WDR19: variants seen among roughly 807,000 people sequenced by gnomAD.
WDR19 encodes the protein WD repeat domain 19, also known as WD repeat-containing protein 19.
In WDR19, 121 loss-of-function variants were observed where a neutral mutation model predicts 180.0. The observed-to-expected ratio is 0.67, with a 90% confidence interval of 0.58 to 0.78. The LOEUF (loss-of-function observed/expected upper bound fraction) is 0.78, where lower values mean the gene tolerates loss of function less well. Ranked by LOEUF, WDR19 falls within the 30% of genes least tolerant of loss-of-function variation. WDR19 has a pLI of 0.00. For synonymous variants in WDR19, 497 were observed against 540.7 expected, an observed-to-expected ratio of 0.92 and a Z score of 1.12; for missense variants, 1,450 against 1,640.7, an observed-to-expected ratio of 0.88 and a Z score of 2.01.
At chr4:39,235,867 C>A (rs560372801) in intron 20 of WDR19, among the ~76,000 whole-genome samples, 45 of 151,634 alleles carry the variant, frequency 3.0e-4, no homozygotes, top group African/African-American at 9.4e-4. Context: ...AAGCAGCCAA[C>A]AAAAATATGA....
At chr4:39,198,544 G>C (rs930231682) in intron 5 of WDR19, among the ~76,000 whole-genome samples, 2 of 150,564 alleles carry the variant, frequency 1.3e-5, no homozygotes, top group Non-Finnish European at 3.0e-5. Context: ...CTGGGCGACA[G>C]AGCGAGACTC....
chr4:39,253,134 A>G lies in WDR19; in HGVS notation c.2730-12A>G, dbSNP rs1158058315. 1.3e-6 allele frequency: 2 copies of G among 1,566,560 alleles called. No homozygotes were observed. The highest frequency in any genetic ancestry group is 8.6e-7 in the Non-Finnish European group (1 of 1,162,428). The stretch of plus-strand genomic sequence containing the variant: ...GTGTTAAAAAAAGTTTATCTGAGCT[A>G]TTTTTTTACAGATACAAAGAAGCTG... On this transcript the variant is annotated splice_polypyrimidine_tract_variant and intron_variant, in intron 24 of 36. Transcript: ENST00000399820.
In WDR19 at chr4:39,266,260, G is replaced by A. The variant is rs536014643; in HGVS notation, c.3261+120G>A. 28 of 786,530 alleles carry A rather than the reference G, an allele frequency of 3.6e-5. No homozygotes were observed. The African/African-American group carries it at 4.6e-4, about 13-fold the overall frequency. 48.7% of individuals were successfully genotyped at this position (786,530 alleles called of 1,614,324 possible). On this transcript the variant is annotated intron_variant, in intron 29 of 36. Transcript: ENST00000399820. The stretch of plus-strand genomic sequence containing the variant: ...GAAAAATTTTCTCTCTGCCAGTAGT[G>A]TAGATCATCTAGACCAGGAGCGTCC...
intron 30 of WDR19, among the ~76,000 whole-genome samples, chr4:39,268,967 A>G (rs1316745315): frequency 6.6e-6 from 1 of 152,182 alleles, no homozygotes; most frequent in African/African-American, 2.4e-5. Flanking sequence ...AGAGAAGGCA[A>G]TGAAAGCTTT....
rs564992065 is a variant in WDR19, at chr4:39,278,572, T to C, written c.3951T>C (p.Cys1317=). 7 of 1,613,738 alleles carry C rather than the reference T, an allele frequency of 4.3e-6. No individual in the cohort carries two copies. The East Asian group carries it at 6.7e-5, about 15-fold the overall frequency. ...MLNTESTCPM[C]SERLNAAQLK... is the part of the protein sequence containing the mutation. Reference sequence around the variant, plus strand: ...ACACTGAAAGCACATGTCCTATGTGTTCAGAAAGATTAAACGCTGCTCAGC... The same window carrying C: ...ACACTGAAAGCACATGTCCTATGTGCTCAGAAAGATTAAACGCTGCTCAGC... Residue 1317 remains cysteine, a synonymous_variant, in exon 36 of 37, where the codon TGT becomes TGC. Coordinates refer to ENST00000399820, the MANE Select transcript of WDR19 (RefSeq NM_025132.4).
chr4:39,185,871 C>T, intron 2 of WDR19, 54 bp downstream of exon 2: 1 of 1,370,074 alleles, frequency 7.3e-7, no homozygotes, highest in Non-Finnish European at 9.9e-7. Flanking sequence ...GTAATCACAC[C>T]ATCTACTCAG....
chr4:39,231,364 C>T (rs1730845301), intron 17 of WDR19, among the ~76,000 whole-genome samples: 1 of 150,934 alleles, frequency 6.6e-6, no homozygotes, highest in African/African-American at 2.4e-5. Context: ...GACTTTGTTC[C>T]ACTCAAGCTG....
Position 39,228,326 on chromosome 4 carries a change from C to T in WDR19, c.1746C>T (p.Tyr582=), listed in dbSNP as rs539697450. ...VFIAYDDDKV[Y]TYVFHKDTIQ... ...TTGCTTATGATGATGATAAGGTGTA[C>T]ACTTATGTCTTTCACAAGGACACTA... Residue 582 remains tyrosine, a synonymous_variant, in exon 16 of 37, where the codon TAC becomes TAT. Coordinates refer to ENST00000399820, the MANE Select transcript of WDR19 (RefSeq NM_025132.4). The T allele has an allele frequency of 2.4e-5, 38 of 1,612,052 alleles. No homozygotes were observed. The South Asian group carries it at 4.0e-4, about 17-fold the overall frequency.
At chr4:39,211,719 A>G (rs555722225) in intron 9 of WDR19, among the ~76,000 whole-genome samples, 6 of 152,312 alleles carry the variant, frequency 3.9e-5, no homozygotes, top group African/African-American at 1.2e-4. Flanking sequence ...AAACCTGTAC[A>G]GTGTCTTTGC....
chr4:39,257,953 C>G (rs1733922007), intron 28 of WDR19, among the ~76,000 whole-genome samples: 1 of 151,818 alleles, frequency 6.6e-6, no homozygotes, highest in Non-Finnish European at 1.5e-5. Flanking sequence ...ATTTCCAGCT[C>G]CCAAAAGTCT....
chr4:39,250,781 C>G (rs1409902376), intron 24 of WDR19, among the ~76,000 whole-genome samples: 1 of 152,054 alleles, frequency 6.6e-6, no homozygotes. Context: ...AATAAAATAC[C>G]TAGGAATGCA....
intron 33 of WDR19, among the ~76,000 whole-genome samples, chr4:39,276,326 T>C (rs1272033947): frequency 1.3e-5 from 2 of 151,724 alleles, no homozygotes; most frequent in Non-Finnish European, 2.9e-5. Context: ...GTATGGAGAG[T>C]GGGATGGGGA....
At chr4:39,188,027 C>G (rs545125661) in intron 3 of WDR19, among the ~76,000 whole-genome samples, 1 of 152,070 alleles carries the variant, frequency 6.6e-6, no homozygotes, top group Non-Finnish European at 1.5e-5. Flanking sequence ...TCCCAACTGT[C>G]TTAAATATAA....
chr4:39,205,532 G>A (rs368202785), intron 8 of WDR19, 31 bp from the exon 9 acceptor site: 8 of 1,594,018 alleles, frequency 5.0e-6, no homozygotes, highest in Non-Finnish European at 6.0e-6. Context: ...TAATCTCCTT[G>A]TTTACCATAT....
rs1375003683 is a variant in WDR19, at chr4:39,216,202, G to A, written c.1241G>A (p.Gly414Glu). Residue 414 changes from glycine to glutamate, a missense_variant, in exon 12 of 37, where the codon GGA (glycine) becomes GAA (glutamate). Gly to Glu is a moderately conservative substitution (Grantham distance 98, BLOSUM62 -2). Coordinates refer to ENST00000399820, the MANE Select transcript of WDR19 (RefSeq NM_025132.4). The stretch of plus-strand genomic sequence containing the variant: ...AATCGAGCTTGGTTTTATGTCCTTG[G>A]AGAAAATGGCAAGTCTAAATCCAGT... ...MNNRAWFYVL[G>E]ENAVKKLKDM... 1 of 1,563,842 alleles carries A rather than the reference G, an allele frequency of 6.4e-7. No homozygotes were observed. Among genetic ancestry groups the A allele is most frequent in the Admixed American group, 1.9e-5 (1 of 51,714 alleles).
rs112657269 is a variant in WDR19 at position 39,206,605 on chromosome 4, GAGGA to G, written c.890+875_890+878del. On this transcript the variant is annotated intron_variant, in intron 9 of 36. Transcript: ENST00000399820. Reference sequence around the variant, plus strand: ...TGGAAAGTACTAGATTGATCATAGGGAGGAAGGAACTCAGGAAAGCAACCCTGTA... The same window carrying G: ...TGGAAAGTACTAGATTGATCATAGGGAGGAACTCAGGAAAGCAACCCTGTA... Among the ~76,000 whole-genome samples the G allele has an allele frequency of 5.3e-4, 81 of 152,286 alleles. 1 individual carries two copies. Among genetic ancestry groups the G allele is most frequent in the African/African-American group, 1.9e-3 (77 of 41,550 alleles).
chr4:39,224,851 T>C (rs1463677625), intron 14 of WDR19, 33 bp from the exon 15 acceptor site: 1 of 1,480,542 alleles, frequency 6.8e-7, no homozygotes, highest in Non-Finnish European at 9.0e-7. Context: ...CTACCTTTTA[T>C]ATTTTCATGG....
chr4:39,210,798 A>G (rs1217665159), intron 9 of WDR19, among the ~76,000 whole-genome samples: 1 of 152,118 alleles, frequency 6.6e-6, no homozygotes, highest in African/African-American at 2.4e-5. Flanking sequence ...CATGATAAAA[A>G]CTCTCAGCAA....
intron 17 of WDR19, among the ~76,000 whole-genome samples, chr4:39,230,442 A>G (rs1421185783): frequency 2.1e-5 from 3 of 140,782 alleles, no homozygotes; most frequent in Admixed American, 2.1e-4. Flanking sequence ...CACAGTGGTG[A>G]AGAGCATGAC....
Sources: gnomAD v4.1 joint callset for allele counts (sites outside exome capture counted in the v4.1 genomes callset) on GRCh38, gnomAD v4.1.1 for gene constraint, MANE v1.5 for transcripts, NCBI Gene and HGNC (gene_info 2026-07-23, HGNC 2026-07-21) for gene names.